ACYP2: variants seen among roughly 807,000 people sequenced by gnomAD.
The protein encoded by ACYP2 is acylphosphatase-2.
A neutral mutation model predicts 11.2 loss-of-function variants in ACYP2; 12 were observed. The observed-to-expected ratio is 1.08, with a 90% CI of 0.69 to 1.74. The LOEUF (loss-of-function observed/expected upper bound fraction) is 1.74. Ranked by LOEUF, ACYP2 falls within the 40% of genes most tolerant of loss-of-function variation. ACYP2 has a pLI of 0.00. For missense variants in ACYP2, 134 were observed against 101.9 expected, an observed-to-expected ratio of 1.31 and a Z score of -1.35; for synonymous variants, 43 against 32.2, an observed-to-expected ratio of 1.33 and a Z score of -1.13.
chr2:54,245,133 G>GT (rs970988814), intron 6 of ACYP2, among the ~76,000 whole-genome samples: 1 of 151,968 alleles, frequency 6.6e-6, no homozygotes. Context: ...AATATGAGGT[G>GT]TTTAACTTTC....
Position 54,026,173 on chromosome 2 carries a change from A to G in ACYP2, c.63-24785A>G, listed in dbSNP as rs928890233. On this transcript the variant is annotated intron_variant, in intron 2 of 6. Transcript: ENST00000607452. ...GTGTGGGAGAAGATCTTTGCAAACT[A>G]TGCATCTTACAAAGGACTAATGTCC... 2.6e-5 allele frequency among the ~76,000 whole-genome samples: 4 copies of G among 152,156 alleles called. No homozygotes were observed. In the South Asian group the frequency reaches 6.2e-4, roughly 24 times the overall value.
At chr2:54,002,503 G>T (rs746846403) in intron 2 of ACYP2, among the ~76,000 whole-genome samples, 1 of 150,398 alleles carries the variant, frequency 6.6e-6, no homozygotes, top group African/African-American at 2.5e-5. Context: ...ACACCACCAT[G>T]CCCGGCTAAT....
intron 6 of ACYP2, among the ~76,000 whole-genome samples, chr2:54,182,244 G>A (rs947254372): frequency 1.1e-4 from 16 of 151,776 alleles, no homozygotes; most frequent in Non-Finnish European, 2.9e-5. Context: ...ATTTTTAGTA[G>A]AGACAGAGTT....
chr2:54,051,318 A>T, intron 3 of ACYP2: 1 of 765,334 alleles, frequency 1.3e-6, no homozygotes, highest in East Asian at 2.4e-5. Flanking sequence ...GCTTCAGTCA[A>T]CTTCTCAGAG....
chr2:54,085,670 T>C lies in ACYP2; in HGVS notation c.277+28310T>C, dbSNP rs150644612. Among the ~76,000 whole-genome samples the C allele has an allele frequency of 1.1e-3, 175 of 152,300 alleles. No individual in the cohort carries two copies. The Middle Eastern group carries it at 0.014, about 12-fold the overall frequency. On this transcript the variant is annotated intron_variant, in intron 4 of 6. Coordinates refer to ENST00000607452, the MANE Select transcript of ACYP2 (RefSeq NM_001320586.2). ...GAAAGTTGAAGTTTCCAAGAACTTA[T>C]TGACAACTTTAAGTGAGGACTTACT...
chr2:54,185,189 C>A (rs982244538), intron 6 of ACYP2, among the ~76,000 whole-genome samples: 1 of 152,142 alleles, frequency 6.6e-6, no homozygotes, highest in African/African-American at 2.4e-5. Context: ...TTTCCTTAGT[C>A]GTGATTGATA....
intron 6 of ACYP2, among the ~76,000 whole-genome samples, chr2:54,153,146 G>A (rs1161454378): frequency 6.6e-6 from 1 of 151,890 alleles, no homozygotes; most frequent in Non-Finnish European, 1.5e-5. Flanking sequence ...GTTGTGTTTT[G>A]TATATGGTGT....
At chr2:53,973,219 G>A (rs916345248) in intron 1 of ACYP2, among the ~76,000 whole-genome samples, 4 of 152,204 alleles carry the variant, frequency 2.6e-5, no homozygotes, top group Non-Finnish European at 5.9e-5. Flanking sequence ...TGTCGTTGGA[G>A]TGTAGAATAG....
chr2:54,219,856 G>GGT (rs1366261046), intron 6 of ACYP2, among the ~76,000 whole-genome samples: 3 of 16,594 alleles, frequency 1.8e-4, no homozygotes, highest in Non-Finnish European at 2.9e-4. Flanking sequence ...TGTGTATATA[G>GGT]ATGTGTGTGT....
chr2:54,288,452 A>T (rs993484608), intron 6 of ACYP2, among the ~76,000 whole-genome samples: 7 of 152,036 alleles, frequency 4.6e-5, no homozygotes, highest in African/African-American at 1.7e-4. Context: ...ATCATTATGT[A>T]TATTCTCTAG....
intron 6 of ACYP2, among the ~76,000 whole-genome samples, chr2:54,148,500 A>G (rs1464792677): frequency 6.6e-6 from 1 of 152,178 alleles, no homozygotes; most frequent in Middle Eastern, 3.2e-3. Context: ...GTTATGACCC[A>G]TATGCTCCAC....
chr2:54,107,644 G>A (rs1033618125), intron 4 of ACYP2, among the ~76,000 whole-genome samples: 2 of 152,224 alleles, frequency 1.3e-5, no homozygotes, highest in Admixed American at 1.3e-4. Context: ...CAGGGCTAAT[G>A]AAAGAGGCTC....
intron 6 of ACYP2, among the ~76,000 whole-genome samples, chr2:54,245,291 A>G (rs972763079): frequency 5.3e-5 from 8 of 152,112 alleles, no homozygotes; most frequent in African/African-American, 1.7e-4. Context: ...ATTGTTGGAC[A>G]TTTAAGTTGA....
At chr2:54,202,199 C>G (rs928242500) in intron 6 of ACYP2, among the ~76,000 whole-genome samples, 1 of 152,068 alleles carries the variant, frequency 6.6e-6, no homozygotes, top group Non-Finnish European at 1.5e-5. Flanking sequence ...CTCTCCGCCT[C>G]CCAGGTTCAA....
chr2:54,113,880 G>A (rs1236447619), intron 4 of ACYP2, among the ~76,000 whole-genome samples: 1 of 151,976 alleles, frequency 6.6e-6, no homozygotes, highest in Non-Finnish European at 1.5e-5. Context: ...TATTTTGAAC[G>A]TATTAAGAAG....
At chr2:54,161,816 G>C (rs552849392) in intron 6 of ACYP2, among the ~76,000 whole-genome samples, 76 of 152,272 alleles carry the variant, frequency 5.0e-4, no homozygotes, top group African/African-American at 1.6e-3. Context: ...CAATAGGGTA[G>C]AGAGTGCTTT....
intron 6 of ACYP2, among the ~76,000 whole-genome samples, chr2:54,187,289 C>A (rs1684053974): frequency 6.6e-6 from 1 of 152,164 alleles, no homozygotes; most frequent in African/African-American, 2.4e-5. Flanking sequence ...GAGTTACAAA[C>A]CTCAGGGATG....
chr2:54,025,010 C>CAAAAA (rs1292587335), intron 2 of ACYP2, among the ~76,000 whole-genome samples: 1 of 151,858 alleles, frequency 6.6e-6, no homozygotes, highest in Admixed American at 6.6e-5. Flanking sequence ...CAAAACAAAA[C>CAAAAA]AAAAAAACTT....
At chr2:54,157,802 G>T (rs1211063036) in intron 6 of ACYP2, among the ~76,000 whole-genome samples, 1 of 152,188 alleles carries the variant, frequency 6.6e-6, no homozygotes, top group Admixed American at 6.5e-5. Flanking sequence ...GCTTTCCATG[G>T]AGGTGACTTC....
Sources: gnomAD v4.1 joint callset for allele counts (sites outside exome capture counted in the v4.1 genomes callset) on GRCh38, gnomAD v4.1.1 for gene constraint, MANE v1.5 for transcripts, NCBI Gene and HGNC (gene_info 2026-07-23, HGNC 2026-07-21) for gene names.